Variants in MRPL1 observed in about 807,000 individuals in gnomAD.
MRPL1 encodes the protein mitochondrial ribosomal protein L1, also known as large ribosomal subunit protein uL1m.
MRPL1 carries 28 observed loss-of-function variants against 38.0 expected under a neutral mutation model. That is an observed-to-expected ratio of 0.74 (90% CI 0.55 to 1.01). The LOEUF (loss-of-function observed/expected upper bound fraction) is 1.01, where lower values mean the gene tolerates loss of function less well. Among genes scored for constraint, MRPL1 ranks in the 50% least tolerant of loss-of-function variants. MRPL1 has a pLI of 0.00. For missense variants in MRPL1, 358 were observed against 389.8 expected, an observed-to-expected ratio of 0.92 and a Z score of 0.69; for synonymous variants, 123 against 126.7, an observed-to-expected ratio of 0.97 and a Z score of 0.20.
At chr4:77,894,766 A>T (rs921275478) in intron 6 of MRPL1, among the ~76,000 whole-genome samples, 1 of 152,174 alleles carries the variant, frequency 6.6e-6, no homozygotes, top group African/African-American at 2.4e-5. Flanking sequence ...ATTATATAAT[A>T]AATTAAAAAA....
At chr4:77,869,202 T>A (rs1262182118) in intron 1 of MRPL1, among the ~76,000 whole-genome samples, 1 of 152,150 alleles carries the variant, frequency 6.6e-6, no homozygotes, top group Non-Finnish European at 1.5e-5. Flanking sequence ...CCTTTCACTA[T>A]CAATTAAAAG....
chr4:77,914,621 T>A (rs1037514847), intron 7 of MRPL1, among the ~76,000 whole-genome samples: 5 of 152,182 alleles, frequency 3.3e-5, no homozygotes, highest in Non-Finnish European at 4.4e-5. Context: ...TAGTTAAAAA[T>A]TTAGAAATGA....
intron 7 of MRPL1, among the ~76,000 whole-genome samples, chr4:77,938,656 T>TGTCAA (rs1737046991): frequency 6.6e-6 from 1 of 152,176 alleles, no homozygotes; most frequent in Non-Finnish European, 1.5e-5. Context: ...TAGCTGTTCT[T>TGTCAA]GACAAATCAG....
rs570050405 is a variant in MRPL1 at position 77,877,047 on chromosome 4, C to T, written c.143+5192C>T. On this transcript the variant is annotated intron_variant, in intron 2 of 8. Coordinates refer to ENST00000315567, the MANE Select transcript of MRPL1 (RefSeq NM_020236.4). ...TCCTGAGTAACAGGGATTACAGGCG[C>T]GCACCACCACGCCCAGCTAATTTTG... Among the ~76,000 whole-genome samples the T allele has an allele frequency of 1.2e-4, 19 of 152,156 alleles. 1 individual carries two copies. Among genetic ancestry groups the T allele is most frequent in the Admixed American group, 3.3e-4 (5 of 15,260 alleles).
In MRPL1 at chr4:77,874,442, A is replaced by G. The variant is rs1022876422; in HGVS notation, c.143+2587A>G. Among the ~76,000 whole-genome samples the G allele has an allele frequency of 9.9e-5, 15 of 152,254 alleles. No individual in the cohort carries two copies. In the East Asian group the frequency reaches 2.7e-3, roughly 27 times the overall value. On this transcript the variant is annotated intron_variant, in intron 2 of 8. Transcript: ENST00000315567. Reference sequence around the variant, plus strand: ...TTTTTCTTTCCATTCTTTTTCTATTACAAGTGATCCTGCAAGTGAATAATC... The same window carrying G: ...TTTTTCTTTCCATTCTTTTTCTATTGCAAGTGATCCTGCAAGTGAATAATC...
chr4:77,903,668 A>C (rs1736085909), intron 6 of MRPL1, among the ~76,000 whole-genome samples: 1 of 152,230 alleles, frequency 6.6e-6, no homozygotes, highest in Admixed American at 6.5e-5. Context: ...TGAAATTTCT[A>C]AAACAGTTCC....
At position 77,862,833 on chromosome 4, in the gene MRPL1, A is replaced by G. The variant is rs370967842; in HGVS notation, c.-16A>G. 1.8e-5 allele frequency: 29 copies of G among 1,613,756 alleles called. No individual in the cohort carries two copies. Among genetic ancestry groups the G allele is most frequent in the Non-Finnish European group, 2.1e-5 (25 of 1,179,878 alleles). ...ACGTAGGAACAATTTCGTGAACGCA[A>G]TCCGGAGTGCCCAACATGGCGGCGG... On this transcript the variant is annotated 5_prime_UTR_variant, in exon 1 of 9. Coordinates refer to ENST00000315567, the MANE Select transcript of MRPL1 (RefSeq NM_020236.4).
chr4:77,944,968 A>G (rs1298874869), intron 7 of MRPL1, among the ~76,000 whole-genome samples: 1 of 152,038 alleles, frequency 6.6e-6, no homozygotes, highest in Non-Finnish European at 1.5e-5. Flanking sequence ...GTGCTCATGA[A>G]TAAGTTACAG....
In MRPL1 at chr4:77,917,542, G is replaced by A. The variant is rs181004836; in HGVS notation, c.777+8170G>A. ...TATTTTCTGATCAGGTAAAATTATC[G>A]TTAGCTCATTTAGAATCTAAGCATA... On this transcript the variant is annotated intron_variant, in intron 7 of 8. Coordinates refer to ENST00000315567, the MANE Select transcript of MRPL1 (RefSeq NM_020236.4). Among the ~76,000 whole-genome samples, 168 of 151,538 alleles carry A rather than the reference G, an allele frequency of 1.1e-3. 2 individuals carry two copies. The highest frequency in any genetic ancestry group is 3.7e-4 in the Non-Finnish European group (25 of 67,880).
chr4:77,921,300 T>C (rs1211831939), intron 7 of MRPL1, among the ~76,000 whole-genome samples: 1 of 152,178 alleles, frequency 6.6e-6, no homozygotes, highest in East Asian at 1.9e-4. Context: ...CTAGATCACT[T>C]TCTAGTTAGG....
At chr4:77,908,301 C>A in intron 6 of MRPL1, 1 of 165,476 alleles carries the variant, frequency 6.0e-6, no homozygotes, top group Non-Finnish European at 1.3e-5. Flanking sequence ...GGCACAATCT[C>A]AGCTCACTGC....
intron 2 of MRPL1, among the ~76,000 whole-genome samples, chr4:77,881,056 T>C (rs1044381156): frequency 6.6e-6 from 1 of 152,226 alleles, no homozygotes; most frequent in African/African-American, 2.4e-5. Context: ...AGTAGAAACA[T>C]GTGAAACTTC....
Position 77,951,430 on chromosome 4 carries a change from G to C in MRPL1, c.860-1059G>C, listed in dbSNP as rs376954545. ...TATTAGTGAGTGTGTGTAGTTTGAA[G>C]GATAAATCTCTAATATTCTAGAGTA... is the stretch of plus-strand genomic sequence containing the variant. On this transcript the variant is annotated intron_variant, in intron 8 of 8. Transcript: ENST00000315567. 4.6e-5 allele frequency among the ~76,000 whole-genome samples: 7 copies of C among 152,272 alleles called. No individual in the cohort carries two copies. In the South Asian group the frequency reaches 1.4e-3, roughly 32 times the overall value.
At chr4:77,883,037 G>A (rs1256236129) in intron 2 of MRPL1, among the ~76,000 whole-genome samples, 2 of 152,104 alleles carry the variant, frequency 1.3e-5, no homozygotes, top group African/African-American at 4.8e-5. Flanking sequence ...GCATCAGTGC[G>A]GTAATTCAAC....
intron 6 of MRPL1, among the ~76,000 whole-genome samples, chr4:77,899,160 A>ATT (rs1214514714): frequency 2.1e-4 from 26 of 126,534 alleles, no homozygotes; most frequent in East Asian, 4.8e-4. Context: ...CGCCTGGCTC[A>ATT]TTTTTTTTTT....
intron 5 of MRPL1, among the ~76,000 whole-genome samples, chr4:77,890,705 C>T (rs1735786425): frequency 6.6e-6 from 1 of 152,180 alleles, no homozygotes; most frequent in African/African-American, 2.4e-5. Context: ...TCTCTGTTTG[C>T]AGATGACACG....
intron 2 of MRPL1, among the ~76,000 whole-genome samples, chr4:77,874,976 T>A (rs1735361424): frequency 6.6e-6 from 1 of 151,650 alleles, no homozygotes; most frequent in Non-Finnish European, 1.5e-5. Context: ...TTAGTAGAGA[T>A]GGGGTTTCAC....
At chr4:77,919,439 T>C (rs1331299033) in intron 7 of MRPL1, among the ~76,000 whole-genome samples, 1 of 152,150 alleles carries the variant, frequency 6.6e-6, no homozygotes, top group Non-Finnish European at 1.5e-5. Flanking sequence ...GTATATATAA[T>C]ACCTTTCTGT....
chr4:77,947,206 T>G (rs1737290829), intron 7 of MRPL1, among the ~76,000 whole-genome samples: 1 of 152,212 alleles, frequency 6.6e-6, no homozygotes, highest in Non-Finnish European at 1.5e-5. Context: ...CCATCTAGTC[T>G]GCTTAGGGAA....
Sources: allele counts gnomAD v4.1 joint callset (sites outside exome capture counted in the v4.1 genomes callset), GRCh38; gene constraint gnomAD v4.1.1; transcripts MANE v1.5; gene names NCBI Gene and HGNC (gene_info 2026-07-23, HGNC 2026-07-21).